Variants in SRBD1 observed in about 807,000 individuals in gnomAD.
SRBD1 encodes S1 RNA binding domain 1, also known as S1 RNA-binding domain-containing protein 1.
In SRBD1, 88 loss-of-function variants were observed where a neutral mutation model predicts 115.3. The observed-to-expected ratio is 0.76, with a 90% CI of 0.64 to 0.91. The LOEUF is 0.91. Among genes scored for constraint, SRBD1 ranks in the 40% least tolerant of loss-of-function variants. The pLI, the probability that SRBD1 is intolerant of heterozygous loss-of-function variation, is 0.00. For synonymous variants in SRBD1, 509 were observed against 407.7 expected, an observed-to-expected ratio of 1.25 and a Z score of -2.99; for missense variants, 1,385 against 1,177.4, an observed-to-expected ratio of 1.18 and a Z score of -2.58.
intron 16 of SRBD1, among the ~76,000 whole-genome samples, chr2:45,457,189 G>C (rs1669180946): frequency 1.3e-5 from 2 of 151,682 alleles, no homozygotes; most frequent in Admixed American, 6.6e-5. Context: ...CCCCAAAGAA[G>C]GCCACTGGAA....
At chr2:45,606,471 T>C (rs538809537) in intron 1 of SRBD1, among the ~76,000 whole-genome samples, 207 of 152,302 alleles carry the variant, frequency 1.4e-3, no homozygotes, top group Non-Finnish European at 2.3e-3. Context: ...ATTCTATATA[T>C]TCTTAATGAA....
chr2:45,519,339 G>A (rs977970925), intron 14 of SRBD1, among the ~76,000 whole-genome samples: 4 of 152,060 alleles, frequency 2.6e-5, no homozygotes, highest in Non-Finnish European at 5.9e-5. Context: ...CCTCACTTCA[G>A]ACCCACACAT....
At chr2:45,485,157 C>G (rs2103844420) in intron 15 of SRBD1, among the ~76,000 whole-genome samples, 1 of 152,216 alleles carries the variant, frequency 6.6e-6, no homozygotes, top group African/African-American at 2.4e-5. Flanking sequence ...AACAGACTTT[C>G]AACCAATACT....
At chr2:45,548,525 T>C (rs761155739) in intron 12 of SRBD1, among the ~76,000 whole-genome samples, 4 of 152,088 alleles carry the variant, frequency 2.6e-5, no homozygotes, top group Non-Finnish European at 2.9e-5. Flanking sequence ...GTTTGTGACA[T>C]TTTTAGAACA....
At chr2:45,540,979 G>T (rs62128583) in intron 14 of SRBD1, among the ~76,000 whole-genome samples, 54,549 of 152,102 alleles carry the variant, frequency 0.36, 10,848 homozygotes, top group Non-Finnish European at 0.46. Context: ...TGGTGCCTTT[G>T]TCCGAGTTTT....
At chr2:45,523,069 G>A (rs971728070) in intron 14 of SRBD1, among the ~76,000 whole-genome samples, 3 of 151,860 alleles carry the variant, frequency 2.0e-5, no homozygotes, top group African/African-American at 7.3e-5. Flanking sequence ...ACATGTGTAT[G>A]AAACAGAATA....
intron 14 of SRBD1, among the ~76,000 whole-genome samples, chr2:45,509,000 G>A (rs1364181253): frequency 6.6e-6 from 1 of 152,036 alleles, no homozygotes; most frequent in African/African-American, 2.4e-5. Context: ...GGGCAGGGAG[G>A]TGCAGAGAAA....
chr2:45,595,908 G>A lies in SRBD1; in HGVS notation c.648+3541C>T, dbSNP rs764153663. On this transcript the variant is annotated intron_variant, in intron 4 of 20. Transcript: ENST00000263736. ...CAGATTGCTCAGCAAAGGTGGCAGC[G>A]TCCCAAAAACCACTTCCCAATTCAC... Among the ~76,000 whole-genome samples, 8 of 152,076 alleles carry A rather than the reference G, an allele frequency of 5.3e-5. No homozygotes were observed. The East Asian group carries it at 5.8e-4, about 11-fold the overall frequency.
chr2:45,563,789 G>C (rs545773343), intron 9 of SRBD1, among the ~76,000 whole-genome samples: 4 of 152,084 alleles, frequency 2.6e-5, no homozygotes, highest in African/African-American at 9.6e-5. Context: ...AAAAAGTATG[G>C]ACACTGAATT....
At chr2:45,439,412 C>CAT (rs1328749180) in intron 16 of SRBD1, among the ~76,000 whole-genome samples, 2 of 144,444 alleles carry the variant, frequency 1.4e-5, no homozygotes, top group South Asian at 4.5e-4. Flanking sequence ...TATATATATG[C>CAT]ATATATATAT....
intron 18 of SRBD1, among the ~76,000 whole-genome samples, chr2:45,413,553 C>T (rs569712876): frequency 1.3e-5 from 2 of 152,118 alleles, no homozygotes; most frequent in South Asian, 2.1e-4. Flanking sequence ...TGTAGGGAAA[C>T]AAAATAATAA....
At chr2:45,597,809 G>A (rs1673950961) in intron 4 of SRBD1, among the ~76,000 whole-genome samples, 1 of 152,190 alleles carries the variant, frequency 6.6e-6, no homozygotes, top group Non-Finnish European at 1.5e-5. Flanking sequence ...AAAAGGTTAA[G>A]GCAGGGCCAT....
intron 16 of SRBD1, among the ~76,000 whole-genome samples, chr2:45,456,357 T>A (rs941413434): frequency 6.6e-6 from 1 of 151,940 alleles, no homozygotes; most frequent in Admixed American, 6.6e-5. Context: ...TGGCCTGCTA[T>A]CCCAGGTGGT....
At chr2:45,436,716 C>T (rs896355395) in intron 16 of SRBD1, among the ~76,000 whole-genome samples, 1 of 152,306 alleles carries the variant, frequency 6.6e-6, no homozygotes, top group East Asian at 1.9e-4. Context: ...AAACCACCCC[C>T]ATGATCCAAT....
rs1667942223 is a variant in SRBD1 at position 45,419,776 on chromosome 2, T to A, written c.2156+12A>T. 3 of 1,611,380 alleles carry A rather than the reference T, an allele frequency of 1.9e-6. No individual in the cohort carries two copies. The highest frequency in any genetic ancestry group is 2.5e-6 in the Non-Finnish European group (3 of 1,177,820). Reference sequence around the variant, plus strand: ...CAAGATTCTGTGATCTTCAGCCACATATTTGTCTCACCTTAACAAAACTTC... The same window carrying A: ...CAAGATTCTGTGATCTTCAGCCACAAATTTGTCTCACCTTAACAAAACTTC... On this transcript the variant is annotated intron_variant, in intron 17 of 20. Coordinates refer to ENST00000263736, the MANE Select transcript of SRBD1 (RefSeq NM_018079.5).
intron 16 of SRBD1, among the ~76,000 whole-genome samples, chr2:45,462,248 T>C (rs1276171777): frequency 2.0e-5 from 3 of 152,142 alleles, no homozygotes; most frequent in East Asian, 1.9e-4. Flanking sequence ...AAAATATACA[T>C]AGCGCCCTCA....
intron 10 of SRBD1, among the ~76,000 whole-genome samples, chr2:45,557,337 G>A (rs991696323): frequency 6.6e-6 from 1 of 152,200 alleles, no homozygotes; most frequent in African/African-American, 2.4e-5. Flanking sequence ...TTGTTTTAAT[G>A]TATGTATCTG....
intron 19 of SRBD1, among the ~76,000 whole-genome samples, chr2:45,409,101 G>A (rs1667520718): frequency 6.6e-6 from 1 of 152,000 alleles, no homozygotes; most frequent in African/African-American, 2.4e-5. Flanking sequence ...GCACATGCCT[G>A]TAGTCCCAGC....
chr2:45,530,660 G>A (rs139788782), intron 14 of SRBD1, among the ~76,000 whole-genome samples: 21 of 152,144 alleles, frequency 1.4e-4, no homozygotes, highest in African/African-American at 4.3e-4. Flanking sequence ...AGGTTGAAAG[G>A]AAATGTGGCA....
Sources: gnomAD v4.1 joint callset for allele counts (sites outside exome capture counted in the v4.1 genomes callset) on GRCh38, gnomAD v4.1.1 for gene constraint, MANE v1.5 for transcripts, NCBI Gene and HGNC (gene_info 2026-07-23, HGNC 2026-07-21) for gene names.